The following SVIL variants were observed in gnomAD, a reference collection of about 807,000 sequenced individuals.
SVIL encodes the protein supervillin.
SVIL carries 101 observed loss-of-function variants against 240.4 expected under a neutral mutation model. The observed-to-expected ratio is 0.42, with a 90% CI of 0.36 to 0.50. SVIL has a LOEUF of 0.50. Ranked by LOEUF, SVIL falls within the 20% of genes least tolerant of loss-of-function variation. SVIL has a pLI of 0.01. For missense variants in SVIL, 2,512 were observed against 2,818.7 expected, an observed-to-expected ratio of 0.89 and a Z score of 2.46; for synonymous variants, 999 against 1,100.0, an observed-to-expected ratio of 0.91 and a Z score of 1.82.
intron 1 of SVIL, among the ~76,000 whole-genome samples, chr10:29,583,911 C>T (rs557325384): frequency 6.6e-6 from 1 of 152,292 alleles, no homozygotes; most frequent in South Asian, 2.1e-4. Context: ...TTGGGTGGCC[C>T]TCAGACCACT....
Position 29,532,847 on chromosome 10 carries a change from G to C in SVIL, c.1520C>G (p.Thr507Ser). Residue 507 changes from threonine (T) to serine (S), a missense_variant, in exon 8 of 38, where the codon ACT becomes AGT. Around this residue, in one of 3 missense-constraint regions of SVIL, gnomAD observed 1,443 missense variants for 1,486.6 expected, o/e 0.97. Coordinates refer to ENST00000355867, the MANE Select transcript of SVIL (RefSeq NM_021738.3). ...AQPPQAPHQP[T>S]ERTGRSEMVL... Reference sequence around the variant, plus strand: ...CATCTCGCTCCTGCCTGTCCTCTCAGTGGGCTGGTGCGGAGCTTGAGGGGG... The same window carrying C: ...CATCTCGCTCCTGCCTGTCCTCTCACTGGGCTGGTGCGGAGCTTGAGGGGG... The C allele has an allele frequency of 6.2e-7, 1 of 1,614,226 alleles. No individual in the cohort carries two copies. The highest frequency in any genetic ancestry group is 2.2e-5 in the East Asian group (1 of 44,874).
rs80000845 is a variant in SVIL, at chr10:29,621,829, C to T, written c.-201+12591G>A. Among the ~76,000 whole-genome samples the T allele has an allele frequency of 4.0e-4, 60 of 148,814 alleles. No individual in the cohort carries two copies. In the East Asian group the frequency reaches 9.5e-3, roughly 24 times the overall value. On this transcript the variant is annotated intron_variant, in intron 1 of 37. Transcript: ENST00000355867. The stretch of plus-strand genomic sequence containing the variant: ...TTTATGAGGAAAAGCTAAATATATG[C>T]GCACGCACACACACATACAAACACA...
chr10:29,460,356 C>T (rs1241608364), intron 36 of SVIL, among the ~76,000 whole-genome samples: 1 of 152,052 alleles, frequency 6.6e-6, no homozygotes, highest in Non-Finnish European at 1.5e-5. Flanking sequence ...TGTGGGAAGC[C>T]TGACTCTTCT....
chr10:29,596,295 AC>A (rs1260927784), intron 1 of SVIL, among the ~76,000 whole-genome samples: 3 of 151,978 alleles, frequency 2.0e-5, no homozygotes, highest in African/African-American at 7.3e-5. Flanking sequence ...AGATAGTGAG[AC>A]CCCGTCTCTA....
At chr10:29,624,402 G>A (rs1226213918) in intron 1 of SVIL, among the ~76,000 whole-genome samples, 2 of 152,122 alleles carry the variant, frequency 1.3e-5, no homozygotes, top group African/African-American at 4.8e-5. Context: ...GCCGGGTGTG[G>A]TGGCACACAC....
At chr10:29,490,601 AAAC>A (rs1947860249) in intron 22 of SVIL, among the ~76,000 whole-genome samples, 1 of 144,714 alleles carries the variant, frequency 6.9e-6, no homozygotes, top group Non-Finnish European at 1.5e-5. Flanking sequence ...AAAAAAAAAA[AAAC>A]CAAACCCCAG....
At chr10:29,637,206 T>G (rs1958338868), upstream of SVIL, among the ~76,000 whole-genome samples, 1 of 152,142 alleles carries the variant, frequency 6.6e-6, no homozygotes, top group South Asian at 2.1e-4. Context: ...AAAGTTAGTC[T>G]GGGCGTGGTG....
chr10:29,644,280 G>A (rs1048088987), intron 3 of SVIL, among the ~76,000 whole-genome samples: 1 of 152,082 alleles, frequency 6.6e-6, no homozygotes, highest in African/African-American at 2.4e-5. Context: ...ATACCAAGAG[G>A]GAATGGATCA....
rs148813580 is a variant in SVIL, at chr10:29,457,578, A to T, written c.*669T>A. On this transcript the variant is annotated 3_prime_UTR_variant, in exon 38 of 38. Transcript: ENST00000355867. ...CACTATACATTTTTGGGGAGATATT[A>T]AGGTAGAAAGGTTGATTCGCATAGA... is the stretch of plus-strand genomic sequence containing the variant. 418 of 152,768 alleles carry T rather than the reference A, an allele frequency of 2.7e-3. 1 individual carries two copies. The highest frequency in any genetic ancestry group is 2.9e-3 in the Non-Finnish European group (196 of 68,036). 9.5% of individuals were successfully genotyped at this position (152,768 alleles called of 1,614,324 possible).
chr10:29,535,979 G>A lies in SVIL; in HGVS notation c.908+10C>T, dbSNP rs775604074. Reference sequence around the variant, plus strand: ...TGCACACAAGCCCCAGAGGGCCGGCGTGCGGGTACCTGGAAGGCCAGTTGA... The same window carrying A: ...TGCACACAAGCCCCAGAGGGCCGGCATGCGGGTACCTGGAAGGCCAGTTGA... On this transcript the variant is annotated intron_variant, in intron 7 of 37. Transcript: ENST00000355867. The A allele has an allele frequency of 1.5e-5, 25 of 1,613,920 alleles. No homozygotes were observed. Among genetic ancestry groups the A allele is most frequent in the Admixed American group, 6.7e-5 (4 of 60,008 alleles).
intron 10 of SVIL, 65 bp from the exon 11 acceptor site, chr10:29,530,733 G>A (rs1951301153): frequency 8.3e-6 from 13 of 1,575,442 alleles, no homozygotes; most frequent in Non-Finnish European, 1.1e-5. Flanking sequence ...TCTCCAAAAA[G>A]TCTTTCAGGG....
chr10:29,536,675 C>T (rs895644251), intron 6 of SVIL, among the ~76,000 whole-genome samples: 2 of 151,864 alleles, frequency 1.3e-5, no homozygotes, highest in South Asian at 2.1e-4. Flanking sequence ...TTTGGGAGGC[C>T]GGGGTGGGTG....
rs183041031 is a variant in SVIL at position 29,727,555 on chromosome 10, A to G, written c.-400+8196T>C. ...CGGTCAAACTGTAAACACGCAACAG[A>G]AGCTTTGCAGAATTACATGCAATAG... On this transcript the variant is annotated intron_variant, in intron 1 of 35. Coordinates refer to the SVIL transcript ENST00000375400. 4.6e-5 allele frequency among the ~76,000 whole-genome samples: 7 copies of G among 152,316 alleles called. No homozygotes were observed. The East Asian group carries it at 1.3e-3, about 29-fold the overall frequency.
At position 29,499,237 on chromosome 10, in the gene SVIL, T is replaced by C. The variant is rs1279230333; in HGVS notation, c.3543A>G (p.Gln1181=). 1.2e-6 allele frequency: 2 copies of C among 1,614,190 alleles called. No individual in the cohort carries two copies. The highest frequency in any genetic ancestry group is 2.2e-5 in the South Asian group (2 of 91,082). Residue 1181 remains glutamine, a synonymous_variant, in exon 18 of 38, where the codon CAA becomes CAG. Transcript: ENST00000355867. ...GCTGCTTCCTCTCCTCAATCGTCAT[T>C]TGGCTCTCTCGACTTTCTGTGACCC... is the stretch of plus-strand genomic sequence containing the variant. ...KKRVTESRES[Q]MTIEERKQLI...
Position 29,579,145 on chromosome 10 carries a change from C to T in SVIL, c.-200-9833G>A, listed in dbSNP as rs566515056. On this transcript the variant is annotated intron_variant, in intron 1 of 37. Transcript: ENST00000355867. ...TTTCTGAGCTAGGCAAAGGTAAAAA[C>T]GGGGACAATGGGCCAGGCACAGTGG... 1.4e-4 allele frequency among the ~76,000 whole-genome samples: 22 copies of T among 152,144 alleles called. No homozygotes were observed. In the South Asian group the frequency reaches 1.9e-3, roughly 13 times the overall value.
rs781540434 is a variant in SVIL at position 29,533,223 on chromosome 10, G to C, written c.1144C>G (p.Pro382Ala). ...TCAGATGCATTTTCTGGGGTTTCTG[G>C]CGTCACTAGCTTGGCGGTGTGACCG... is the stretch of plus-strand genomic sequence containing the variant. ...DTGHTAKLVT[P>A]ETPENASECS... is the part of the protein sequence containing the mutation. The change falls in exon 8 of 38, where the codon CCA (proline) becomes GCA (alanine). Residue 382 changes from proline (P) to alanine (A), a missense_variant. Around this residue, in one of 3 missense-constraint regions of SVIL, gnomAD observed 1,443 missense variants for 1,486.6 expected, o/e 0.97. Coordinates refer to ENST00000355867, the MANE Select transcript of SVIL (RefSeq NM_021738.3). The C allele has an allele frequency of 6.2e-7, 1 of 1,614,084 alleles. No individual in the cohort carries two copies. The highest frequency in any genetic ancestry group is 8.5e-7 in the Non-Finnish European group (1 of 1,180,022).
chr10:29,547,825 T>C (rs1952833768), intron 6 of SVIL, among the ~76,000 whole-genome samples: 2 of 152,206 alleles, frequency 1.3e-5, no homozygotes, highest in African/African-American at 4.8e-5. Context: ...ATTCCCCATT[T>C]CTTTTAAACC....
chr10:29,498,288 G>A (rs772332866), intron 18 of SVIL, among the ~76,000 whole-genome samples: 2 of 151,556 alleles, frequency 1.3e-5, no homozygotes, highest in Non-Finnish European at 2.9e-5. Flanking sequence ...CATGGTGGTG[G>A]CGGCCTGTAA....
chr10:29,494,784 C>G (rs1236435266), intron 20 of SVIL, 130 bp downstream of exon 20: 1 of 851,050 alleles, frequency 1.2e-6, no homozygotes, highest in Non-Finnish European at 1.9e-6. Context: ...AGTACGTTAT[C>G]AAGTGAATCA....
Sources: gnomAD v4.1 joint callset for allele counts (sites outside exome capture counted in the v4.1 genomes callset) on GRCh38, gnomAD v4.1.1 for gene constraint, gnomAD v4.1.1 regional missense constraint, MANE v1.5 for transcripts, NCBI Gene and HGNC (gene_info 2026-07-23, HGNC 2026-07-21) for gene names.